Variants in SLC6A6 observed in about 807,000 individuals in gnomAD.
The protein encoded by SLC6A6 is sodium- and chloride-dependent taurine transporter.
In SLC6A6, 16 loss-of-function variants were observed where a neutral mutation model predicts 68.8. That is an observed-to-expected ratio of 0.23 (90% CI 0.16 to 0.35). The LOEUF (loss-of-function observed/expected upper bound fraction) is 0.35, where lower values mean the gene tolerates loss of function less well. Ranked by LOEUF, SLC6A6 falls within the 10% of genes least tolerant of loss-of-function variation. SLC6A6 has a pLI of 1.00. For synonymous variants in SLC6A6, 312 were observed against 315.4 expected, an observed-to-expected ratio of 0.99 and a Z score of 0.12; for missense variants, 474 against 802.8, an observed-to-expected ratio of 0.59 and a Z score of 4.95.
At chr3:14,407,707 G>A (rs1416329002) in intron 1 of SLC6A6, among the ~76,000 whole-genome samples, 1 of 152,016 alleles carries the variant, frequency 6.6e-6, no homozygotes, top group Admixed American at 6.6e-5. Context: ...GGGTTTTGCT[G>A]TGTTGCCAGG....
chr3:14,448,033 T>C (rs1574942067), intron 5 of SLC6A6: 1 of 1,296,358 alleles, frequency 7.7e-7, no homozygotes, highest in Non-Finnish European at 1.0e-6. Flanking sequence ...AAGCCACTCC[T>C]CCTTTCTGAG....
At chr3:14,442,605 T>C (rs7628386) in intron 2 of SLC6A6, among the ~76,000 whole-genome samples, 52,433 of 152,026 alleles carry the variant, frequency 0.34, 12,088 homozygotes, top group African/African-American at 0.65. Context: ...GCCCTCAGGG[T>C]CGAGCTGACA....
intron 9 of SLC6A6, among the ~76,000 whole-genome samples, chr3:14,470,565 C>T (rs1365700127): frequency 2.6e-5 from 4 of 152,078 alleles, no homozygotes; most frequent in Non-Finnish European, 4.4e-5. Context: ...CAGAAACGAG[C>T]GAATTGAGAA....
rs764880374 is a variant in SLC6A6, at chr3:14,477,234, C to T, written c.1239C>T (p.Ser413=). The T allele has an allele frequency of 2.5e-6, 4 of 1,613,286 alleles. No individual in the cohort carries two copies. Among genetic ancestry groups the T allele is most frequent in the South Asian group, 2.2e-5 (2 of 91,066 alleles). Residue 413 remains serine (S), a synonymous_variant, in exon 11 of 15, where the codon TCC becomes TCT. Transcript: ENST00000622186. This position sits in a 1 kb window ranked among gnomAD's most constrained non-coding sequence, Gnocchi z 4.2. The part of the protein sequence containing the change: ...QFVEVEGQIT[S]LVDLYPSFLR... The stretch of plus-strand genomic sequence containing the variant: ...TTGAAGTTGAAGGACAGATCACATC[C>T]TTGGTTGATCTTTACCCATCCTTCC...
chr3:14,458,275 G>A (rs1367336635), intron 6 of SLC6A6, among the ~76,000 whole-genome samples, 193 bp downstream of exon 6: 1 of 152,210 alleles, frequency 6.6e-6, no homozygotes, highest in East Asian at 1.9e-4. Flanking sequence ...TGGTGTCAGT[G>A]CTCCCACCAT....
intron 10 of SLC6A6, among the ~76,000 whole-genome samples, chr3:14,473,472 C>T (rs1182654951): frequency 6.6e-6 from 1 of 152,054 alleles, no homozygotes; most frequent in African/African-American, 2.4e-5. Context: ...CCTTTGTCCC[C>T]CTCCCCGCGG....
At chr3:14,424,122 G>A (rs769372206) in intron 2 of SLC6A6, among the ~76,000 whole-genome samples, 9 of 152,282 alleles carry the variant, frequency 5.9e-5, no homozygotes, top group Middle Eastern at 3.4e-3. Flanking sequence ...AGTGTTTGAC[G>A]TTAGGGGAAG....
chr3:14,466,391 C>G, intron 6 of SLC6A6, 125 bp from the exon 7 acceptor site: 1 of 1,113,764 alleles, frequency 9.0e-7, no homozygotes, highest in Non-Finnish European at 1.3e-6. Context: ...GCAAGTAAGA[C>G]AGCAAACCTG....
rs535584084 is a variant in SLC6A6 at position 14,486,415 on chromosome 3, A to G, written c.*1408A>G. On this transcript the variant is annotated 3_prime_UTR_variant, in exon 15 of 15. Coordinates refer to ENST00000622186, the MANE Select transcript of SLC6A6 (RefSeq NM_003043.6). ...AAACCCCTGCAATAGCTGGGTTTAC[A>G]GACATTTACCACCTGCGGACCCAAA... is the stretch of plus-strand genomic sequence containing the variant. The G allele has an allele frequency of 1.3e-5, 2 of 152,644 alleles. No individual in the cohort carries two copies. The highest frequency in any genetic ancestry group is 2.9e-5 in the Non-Finnish European group (2 of 68,044). 9.5% of individuals were successfully genotyped at this position (152,644 alleles called of 1,614,324 possible). A position where few individuals can be genotyped will look rare whatever the true frequency, so the allele number is the denominator to read the frequency against.
chr3:14,441,240 C>G (rs1699976831), intron 2 of SLC6A6, among the ~76,000 whole-genome samples: 1 of 152,102 alleles, frequency 6.6e-6, no homozygotes, highest in Admixed American at 6.5e-5. Context: ...GAGGAGGCTC[C>G]AGGGTCATTT....
At chr3:14,411,128 C>T (rs1480463678) in intron 1 of SLC6A6, 1 of 152,480 alleles carries the variant, frequency 6.6e-6, no homozygotes, top group Non-Finnish European at 1.5e-5. Flanking sequence ...CTCTGCATGT[C>T]ACTCTCTTGC....
chr3:14,449,566 C>T (rs549522431), intron 5 of SLC6A6, among the ~76,000 whole-genome samples: 3 of 152,184 alleles, frequency 2.0e-5, no homozygotes, highest in African/African-American at 7.2e-5. Context: ...CATTGACTGG[C>T]CTGCCTGGGT....
intron 2 of SLC6A6, among the ~76,000 whole-genome samples, chr3:14,441,107 G>C (rs1368464493): frequency 6.6e-6 from 1 of 152,120 alleles, no homozygotes. Context: ...GTGGCAAGTG[G>C]GTCTGTGTGC....
chr3:14,478,270 T>A (rs1309049513), intron 11 of SLC6A6, among the ~76,000 whole-genome samples, 196 bp from the exon 12 acceptor site: 4 of 152,216 alleles, frequency 2.6e-5, no homozygotes, highest in Non-Finnish European at 5.9e-5. Flanking sequence ...CTTTCATTTA[T>A]CTGTATGTGT....
chr3:14,467,007 TGGGGATGGGAGAGTCGG>T (rs879651648), intron 7 of SLC6A6, among the ~76,000 whole-genome samples: 2 of 152,140 alleles, frequency 1.3e-5, no homozygotes, highest in African/African-American at 2.4e-5. Flanking sequence ...TGCTGCATCC[TGGGGATGGGAGAGTCGG>T]GGCCTGGAGA....
At chr3:14,457,512 C>T (rs17237132) in intron 5 of SLC6A6, among the ~76,000 whole-genome samples, 6,341 of 152,246 alleles carry the variant, frequency 0.042, 145 homozygotes, top group South Asian at 0.1. Context: ...ACTTTATAGA[C>T]GAGGAGCCAG....
chr3:14,459,633 C>T (rs542369948), intron 6 of SLC6A6, among the ~76,000 whole-genome samples: 1 of 152,238 alleles, frequency 6.6e-6, no homozygotes, highest in African/African-American at 2.4e-5. Flanking sequence ...AACTCCTGCA[C>T]CTCCTTGGAG....
chr3:14,447,085 C>G (rs574663058), intron 4 of SLC6A6, among the ~76,000 whole-genome samples: 1 of 152,292 alleles, frequency 6.6e-6, no homozygotes, highest in Admixed American at 6.5e-5. Flanking sequence ...AACTGATTAT[C>G]TATGCAACAA....
In SLC6A6 at chr3:14,470,284, G is replaced by A. The variant is rs567840242; in HGVS notation, c.1097-1921G>A. On this transcript the variant is annotated intron_variant, in intron 9 of 14. Transcript: ENST00000622186. ...TCCCCACGGTGATGTCTGAACAGCC[G>A]GCACATCAAGGGTGATTATTTCTCT... Among the ~76,000 whole-genome samples, 8 of 152,270 alleles carry A rather than the reference G, an allele frequency of 5.3e-5. No homozygotes were observed. The South Asian group carries it at 1.5e-3, about 28-fold the overall frequency.
Sources: allele counts gnomAD v4.1 joint callset (sites outside exome capture counted in the v4.1 genomes callset), GRCh38; gene constraint gnomAD v4.1.1; non-coding constraint Gnocchi (gnomAD v3.1); transcripts MANE v1.5; gene names NCBI Gene and HGNC (gene_info 2026-07-23, HGNC 2026-07-21).